Variants in NECTIN2 observed in about 807,000 individuals in gnomAD.
NECTIN2 encodes nectin cell adhesion molecule 2.
NECTIN2 carries 23 observed loss-of-function variants against 56.9 expected under a neutral mutation model. The observed-to-expected ratio is 0.40, with a 90% CI of 0.29 to 0.57. NECTIN2 has a LOEUF of 0.57. Ranked by LOEUF, NECTIN2 falls within the 20% of genes least tolerant of loss-of-function variation. The probability of loss-of-function intolerance (pLI) is 0.38; values close to 1 mark genes in which losing one functional copy is unlikely to be tolerated. For synonymous variants in NECTIN2, 302 were observed against 313.8 expected (o/e 0.96, Z 0.40); for missense variants, 587 against 718.3 (o/e 0.82, Z 2.09).
chr19:44,878,319 T>G (rs1376950657), intron 5 of NECTIN2: 1 of 1,520,504 alleles, frequency 6.6e-7, no homozygotes, highest in East Asian at 2.5e-5. Context: ...GGGGGGTCCT[T>G]GGCCTTCATC....
chr19:44,851,528 G>A (rs1345494151), intron 1 of NECTIN2, among the ~76,000 whole-genome samples: 2 of 152,186 alleles, frequency 1.3e-5, no homozygotes, highest in African/African-American at 4.8e-5. Flanking sequence ...ACCCATCCCT[G>A]GATCTCGGGG....
rs1968833624 is a variant in NECTIN2 at position 44,846,389 on chromosome 19, G to T, written c.-137G>T. 1.8e-6 allele frequency: 2 copies of T among 1,119,064 alleles called. No homozygotes were observed. Among genetic ancestry groups the T allele is most frequent in the South Asian group, 1.9e-5 (1 of 51,618 alleles). The allele number at this position is 1,119,064 out of a possible 1,614,324, so 69.3% of individuals were successfully genotyped here. On this transcript the variant is annotated 5_prime_UTR_variant, in exon 1 of 9. Coordinates refer to ENST00000252483, the MANE Select transcript of NECTIN2 (RefSeq NM_001042724.2). ...AGCTGGGCCGGGAGAGCAGAACAGG[G>T]AGGCTAGAGCGCAGCGGGAACCGGC...
rs1434101019 is a variant in NECTIN2 at position 44,874,128 on chromosome 19, C to T, written c.893+95C>T. 3 of 1,225,892 alleles carry T rather than the reference C, an allele frequency of 2.4e-6. No homozygotes were observed. Among genetic ancestry groups the T allele is most frequent in the African/African-American group, 3.3e-5 (2 of 59,720 alleles). The allele number at this position is 1,225,892 out of a possible 1,614,324, so 75.9% of individuals were successfully genotyped here. ...AGGGAGGAGGGGCTGGGGGCCTGGA[C>T]TCCTGGATCTGAGGGAGGAGGGGCT... On this transcript the variant is annotated intron_variant, in intron 4 of 8. Transcript: ENST00000252483. The surrounding 1 kb of genome is among the most constrained non-coding windows in gnomAD (Gnocchi z 6.3).
chr19:44,851,871 C>T (rs1365037488), intron 1 of NECTIN2, among the ~76,000 whole-genome samples: 1 of 152,236 alleles, frequency 6.6e-6, no homozygotes, highest in African/African-American at 2.4e-5. Flanking sequence ...CTTGCCTCCA[C>T]CTGACATGCA....
intron 2 of NECTIN2, among the ~76,000 whole-genome samples, chr19:44,866,963 A>C (rs1599917549): frequency 1.3e-5 from 2 of 152,208 alleles, no homozygotes; most frequent in East Asian, 3.9e-4. Flanking sequence ...CCTTGAGCCT[A>C]GGAATTTGAG....
Position 44,865,548 on chromosome 19 carries a change from C to T in NECTIN2, c.366C>T (p.Asp122=), listed in dbSNP as rs34929997. 3.1e-3 allele frequency: 4,863 copies of T among 1,569,090 alleles called. 124 individuals carry two copies. In the African/African-American group the frequency reaches 0.057, roughly 18 times the overall value. ...TGQDTEAELQ[D]ATLALHGLTV... ...AAGACACAGAGGCAGAGCTCCAGGA[C>T]GCCACGCTGGCCCTCCACGGGCTCA... Residue 122 remains aspartate (D), a synonymous_variant, in exon 2 of 9, where the codon GAC becomes GAT. Transcript: ENST00000252483. This position sits in a 1 kb window ranked among gnomAD's most constrained non-coding sequence, Gnocchi z 5.2.
chr19:44,884,127 A>AAAATAGCT (rs1336075888), intron 6 of NECTIN2, among the ~76,000 whole-genome samples: 1 of 152,004 alleles, frequency 6.6e-6, no homozygotes, highest in African/African-American at 2.4e-5. Flanking sequence ...AAAGAAAAGA[A>AAAATAGCT]AAATAGCTCA....
intron 1 of NECTIN2, among the ~76,000 whole-genome samples, chr19:44,849,877 C>T (rs530338975): frequency 1.3e-5 from 2 of 152,090 alleles, no homozygotes; most frequent in African/African-American, 2.4e-5. Flanking sequence ...TATAATTGCT[C>T]GGGTGATGGA....
At chr19:44,884,904 C>A (rs1173611142) in intron 6 of NECTIN2, among the ~76,000 whole-genome samples, 1 of 152,228 alleles carries the variant, frequency 6.6e-6, no homozygotes, top group African/African-American at 2.4e-5. Flanking sequence ...TTCATTCATT[C>A]TTTTCACAAA....
At position 44,873,953 on chromosome 19, in the gene NECTIN2, C is replaced by T. The variant is rs1247225961; in HGVS notation, c.813C>T (p.Asn271=). Residue 271 remains asparagine (N), a synonymous_variant, in exon 4 of 9, where the codon AAC becomes AAT. Coordinates refer to ENST00000252483, the MANE Select transcript of NECTIN2 (RefSeq NM_001042724.2). Reference sequence around the variant, plus strand: ...TGTCCATCTCCGGCTATGATGACAACTGGTACCTCGGCCGTACTGATGCCA... The same window carrying T: ...TGTCCATCTCCGGCTATGATGACAATTGGTACCTCGGCCGTACTGATGCCA... ...PEVSISGYDD[N]WYLGRTDATL... is the part of the protein sequence containing the mutation. 1.4e-5 allele frequency: 22 copies of T among 1,614,160 alleles called. No individual in the cohort carries two copies. Among genetic ancestry groups the T allele is most frequent in the Non-Finnish European group, 1.9e-5 (22 of 1,180,014 alleles).
At chr19:44,880,825 T>G (rs1969300269) in intron 5 of NECTIN2, among the ~76,000 whole-genome samples, 1 of 148,464 alleles carries the variant, frequency 6.7e-6, no homozygotes, top group African/African-American at 2.5e-5. Context: ...CAGGCTGGAG[T>G]GCAATGGCGC....
At chr19:44,870,717 TTTTTTTTTTTCC>T (rs1429869976) in intron 2 of NECTIN2, among the ~76,000 whole-genome samples, 1 of 146,104 alleles carries the variant, frequency 6.8e-6, no homozygotes, top group Non-Finnish European at 1.5e-5. Context: ...CTTGATTTGC[TTTTTTTTTTTCC>T]TTTTTTTTTT....
At chr19:44,850,963 C>T (rs1968892310) in intron 1 of NECTIN2, among the ~76,000 whole-genome samples, 1 of 152,110 alleles carries the variant, frequency 6.6e-6, no homozygotes, top group African/African-American at 2.4e-5. Context: ...CCTGGGGAGC[C>T]AGCCAGGCAG....
At position 44,865,769 on chromosome 19, in the gene NECTIN2, T is replaced by A; in HGVS notation, c.478+109T>A. 1 of 1,246,764 alleles carries A rather than the reference T, an allele frequency of 8.0e-7. No individual in the cohort carries two copies. The highest frequency in any genetic ancestry group is 1.1e-6 in the Non-Finnish European group (1 of 931,140). 77.2% of individuals were successfully genotyped at this position (1,246,764 alleles called of 1,614,324 possible). On this transcript the variant is annotated intron_variant, in intron 2 of 8. Coordinates refer to ENST00000252483, the MANE Select transcript of NECTIN2 (RefSeq NM_001042724.2). The surrounding 1 kb of genome is among the most constrained non-coding windows in gnomAD (Gnocchi z 5.2). ...CTTCAGCTGTGAGGTTCACATTCTC[T>A]GTGGGTTTCCATCCATCAGCAAATG... is the stretch of plus-strand genomic sequence containing the variant.
Position 44,869,610 on chromosome 19 carries a change from G to GAA in NECTIN2, c.479-2240_479-2239dup, listed in dbSNP as rs1296952883. Among the ~76,000 whole-genome samples the GAA allele has an allele frequency of 3.0e-5, 4 of 133,764 alleles. No homozygotes were observed. In the East Asian group the frequency reaches 6.5e-4, roughly 22 times the overall value. 87.8% of individuals were successfully genotyped at this position (133,764 alleles called of 152,430 possible). On this transcript the variant is annotated intron_variant, in intron 2 of 8. Transcript: ENST00000252483. The stretch of plus-strand genomic sequence containing the variant: ...TCCATCTCAAAAAAAAAAAAAAAAA[G>GAA]AAAAGAAAATATGATTAAGTGTAGG...
intron 2 of NECTIN2, among the ~76,000 whole-genome samples, chr19:44,867,682 C>A (rs571615542): frequency 1.8e-4 from 27 of 152,014 alleles, no homozygotes; most frequent in African/African-American, 5.8e-4. Flanking sequence ...GGGAGCTGGG[C>A]GCGTTCCAGG....
Position 44,846,576 on chromosome 19 carries a change from G to A in NECTIN2, c.51G>A (p.Leu17=). The A allele has an allele frequency of 6.6e-7, 1 of 1,525,454 alleles. No homozygotes were observed. The highest frequency in any genetic ancestry group is 8.7e-7 in the Non-Finnish European group (1 of 1,142,982). The allele number at this position is 1,525,454 out of a possible 1,614,324, so 94.5% of individuals were successfully genotyped here. The change falls in exon 1 of 9, where the codon CTG becomes CTA. Residue 17 remains leucine, a synonymous_variant. Coordinates refer to ENST00000252483, the MANE Select transcript of NECTIN2 (RefSeq NM_001042724.2). ...LLPSRSPPTP[L]LWPLLLLLLL... ...CGTCGAGATCGCCGCCGACGCCGCT[G>A]CTGTGGCCGCTGCTGCTGCTGCTGC...
At chr19:44,868,096 T>C (rs1465931167) in intron 2 of NECTIN2, among the ~76,000 whole-genome samples, 2 of 151,868 alleles carry the variant, frequency 1.3e-5, no homozygotes, top group African/African-American at 2.4e-5. Context: ...GTGCGGTGGC[T>C]CACGCCTGTA....
chr19:44,869,707 C>A (rs552300196), intron 2 of NECTIN2, among the ~76,000 whole-genome samples: 22 of 151,872 alleles, frequency 1.4e-4, no homozygotes, highest in African/African-American at 2.9e-4. Context: ...ATATACACTT[C>A]AAGCAGGGGC....
Sources: gnomAD v4.1 joint callset for allele counts (sites outside exome capture counted in the v4.1 genomes callset) on GRCh38, gnomAD v4.1.1 for gene constraint, Gnocchi (gnomAD v3.1) non-coding constraint, MANE v1.5 for transcripts, NCBI Gene and HGNC (gene_info 2026-07-23, HGNC 2026-07-21) for gene names.